ALPK2: variants seen among roughly 807,000 people sequenced by gnomAD.
ALPK2 encodes alpha-protein kinase 2.
In ALPK2, 127 loss-of-function variants were observed where a neutral mutation model predicts 163.1. The ratio of observed to expected loss-of-function variants is 0.78; its 90% confidence interval spans 0.67 to 0.90. The LOEUF (loss-of-function observed/expected upper bound fraction) is 0.90. Ranked by LOEUF, ALPK2 falls within the 40% of genes least tolerant of loss-of-function variation. ALPK2 has a pLI of 0.00. For missense variants in ALPK2, 2,360 were observed against 2,589.6 expected (o/e 0.91, Z 1.92); for synonymous variants, 953 against 959.1 (o/e 0.99, Z 0.12).
intron 2 of ALPK2, among the ~76,000 whole-genome samples, chr18:58,610,269 C>G (rs1298021786): frequency 8.5e-6 from 1 of 118,294 alleles, no homozygotes. Context: ...GCAAGAGACC[C>G]TGTCTCAAAA....
chr18:58,613,486 A>G (rs2052146012), intron 1 of ALPK2, among the ~76,000 whole-genome samples: 1 of 152,042 alleles, frequency 6.6e-6, no homozygotes, highest in Non-Finnish European at 1.5e-5. Context: ...CAAGGTCAGG[A>G]GTTCAAGACC....
intron 8 of ALPK2, among the ~76,000 whole-genome samples, chr18:58,520,006 G>A (rs1411910912): frequency 6.6e-6 from 1 of 152,202 alleles, no homozygotes; most frequent in Non-Finnish European, 1.5e-5. Flanking sequence ...AAAAGCACGA[G>A]TGTAGCACTG....
rs1217199055 is a variant in ALPK2, at chr18:58,579,554, G to A, written c.1222C>T (p.Gln408Ter). The A allele has an allele frequency of 6.2e-7, 1 of 1,613,370 alleles. No individual in the cohort carries two copies. Residue 408 changes from glutamine (Q) to a stop codon, truncating the protein, a stop_gained, in exon 4 of 13, where the codon CAA becomes TAA. Coordinates refer to ENST00000361673, the MANE Select transcript of ALPK2 (RefSeq NM_052947.4). LOFTEE classifies it high-confidence loss of function. ...AGFCGHHSQPQEVGVRSSRVS... is the reference protein window; with the variant it reads ...AGFCGHHSQP ...CTGCTGCTCCTCACCCCAACTTCTT[G>A]GGGTTGTGAGTGATGACCACAGAAG...
intron 4 of ALPK2, among the ~76,000 whole-genome samples, chr18:58,569,206 G>A (rs1418621448): frequency 6.6e-6 from 1 of 152,164 alleles, no homozygotes; most frequent in African/African-American, 2.4e-5. Flanking sequence ...AGTCTTGGGG[G>A]GGAGAAAAAG....
chr18:58,492,109 C>G (rs1192084933), intron 12 of ALPK2, among the ~76,000 whole-genome samples: 1 of 152,124 alleles, frequency 6.6e-6, no homozygotes, highest in Non-Finnish European at 1.5e-5. Flanking sequence ...CCCACAGGCT[C>G]CTTCCCCTCT....
chr18:58,530,756 G>A (rs755537004), intron 5 of ALPK2, among the ~76,000 whole-genome samples: 47 of 152,214 alleles, frequency 3.1e-4, no homozygotes, highest in Non-Finnish European at 6.2e-4. Context: ...GTGAGACAGA[G>A]GTGGAAAGTG....
At position 58,538,570 on chromosome 18, in the gene ALPK2, G is replaced by A. The variant is rs144612173; in HGVS notation, c.1963-346C>T. On this transcript the variant is annotated intron_variant, in intron 4 of 12. Transcript: ENST00000361673. ...GATCAAGTAAGTCACAACAAGAGCT[G>A]TGCGCATCTTTCCAGAAAGATGAAT... The A allele has an allele frequency of 4.9e-5, 11 of 226,796 alleles. No homozygotes were observed. In the East Asian group the frequency reaches 6.2e-4, roughly 13 times the overall value. 14.0% of individuals were successfully genotyped at this position (226,796 alleles called of 1,614,324 possible).
chr18:58,518,959 T>G (rs1201215150), intron 8 of ALPK2, among the ~76,000 whole-genome samples: 2 of 152,236 alleles, frequency 1.3e-5, no homozygotes, highest in Admixed American at 1.3e-4. Context: ...TAAACTTGTT[T>G]GATTTCTCTC....
At position 58,536,823 on chromosome 18, in the gene ALPK2, A is replaced by G; in HGVS notation, c.3364T>C (p.Tyr1122His). ...CCTCTTTCTTGGAAATTCTCTTCAT[A>G]GCTCCTAAAGTCTGCTCTGTCCACA... Reference protein sequence around the residue: ...QTVDRADFRSYEENFQERGSE... With the variant: ...QTVDRADFRSHEENFQERGSE... The change falls in exon 5 of 13, where the codon TAT becomes CAT. Residue 1122 changes from tyrosine (Y) to histidine (H), a missense_variant. By Grantham distance (83) the Tyr-to-His change is moderately conservative. Coordinates refer to ENST00000361673, the MANE Select transcript of ALPK2 (RefSeq NM_052947.4). The G allele has an allele frequency of 1.2e-6, 2 of 1,614,072 alleles. No individual in the cohort carries two copies. The highest frequency in any genetic ancestry group is 1.7e-6 in the Non-Finnish European group (2 of 1,179,996).
intron 3 of ALPK2, among the ~76,000 whole-genome samples, chr18:58,595,717 C>T (rs1239818423): frequency 1.3e-5 from 2 of 152,030 alleles, no homozygotes; most frequent in Non-Finnish European, 2.9e-5. Context: ...TTAAAGTTCC[C>T]CAGAGGTAAT....
At chr18:58,586,581 A>G (rs2144205802) in intron 3 of ALPK2, among the ~76,000 whole-genome samples, 1 of 152,280 alleles carries the variant, frequency 6.6e-6, no homozygotes, top group South Asian at 2.1e-4. Flanking sequence ...GCCTGGCAGC[A>G]GCTGGAGGGG....
At chr18:58,612,916 G>C (rs1456861531) in intron 1 of ALPK2, among the ~76,000 whole-genome samples, 1 of 152,184 alleles carries the variant, frequency 6.6e-6, no homozygotes, top group Non-Finnish European at 1.5e-5. Context: ...CCACACTACA[G>C]TGTGGTTAGC....
intron 4 of ALPK2, among the ~76,000 whole-genome samples, chr18:58,571,546 T>C (rs1016271036): frequency 6.6e-6 from 1 of 151,172 alleles, no homozygotes; most frequent in African/African-American, 2.4e-5. Context: ...AAAAAGACCA[T>C]AGCAGAAAGA....
In ALPK2 at chr18:58,565,989, G is replaced by A. The variant is rs191611055; in HGVS notation, c.1962+12825C>T. On this transcript the variant is annotated intron_variant, in intron 4 of 12. Transcript: ENST00000361673. Reference sequence around the variant, plus strand: ...GTAGAGATGGGATTTCACCATATTGGCCAGGCTGGTCTAGGACTCCTGACC... The same window carrying A: ...GTAGAGATGGGATTTCACCATATTGACCAGGCTGGTCTAGGACTCCTGACC... Among the ~76,000 whole-genome samples the A allele has an allele frequency of 1.9e-3, 282 of 152,180 alleles. 1 individual carries two copies. Among genetic ancestry groups the A allele is most frequent in the African/African-American group, 6.6e-3 (275 of 41,528 alleles).
intron 4 of ALPK2, among the ~76,000 whole-genome samples, chr18:58,569,998 C>T (rs1308926822): frequency 2.0e-5 from 3 of 152,094 alleles, no homozygotes; most frequent in Non-Finnish European, 4.4e-5. Context: ...GGTGTGGTGG[C>T]GGGTGCCTGT....
chr18:58,524,158 C>T, intron 6 of ALPK2, 96 bp from the exon 7 acceptor site: 1 of 1,484,238 alleles, frequency 6.7e-7, no homozygotes, highest in Non-Finnish European at 9.0e-7. Context: ...GACTTCCCTG[C>T]TCACATGTTT....
chr18:58,520,543 C>T (rs1020465607), intron 8 of ALPK2, among the ~76,000 whole-genome samples: 1 of 151,394 alleles, frequency 6.6e-6, no homozygotes, highest in African/African-American at 2.4e-5. Flanking sequence ...TTCCTTGCTA[C>T]ACCCATACAT....
At chr18:58,506,307 C>G (rs539417908) in intron 10 of ALPK2, among the ~76,000 whole-genome samples, 1 of 151,588 alleles carries the variant, frequency 6.6e-6, no homozygotes, top group East Asian at 1.9e-4. Context: ...AAAGCCCAAA[C>G]CTCAGCATCA....
chr18:58,597,156 G>C (rs762166027), intron 3 of ALPK2, among the ~76,000 whole-genome samples: 1 of 152,132 alleles, frequency 6.6e-6, no homozygotes, highest in Non-Finnish European at 1.5e-5. Context: ...CAGGTGTGGT[G>C]GTGGGGACCT....
Sources: gnomAD v4.1 joint callset for allele counts (sites outside exome capture counted in the v4.1 genomes callset) on GRCh38, gnomAD v4.1.1 for gene constraint, MANE v1.5 for transcripts, NCBI Gene and HGNC (gene_info 2026-07-23, HGNC 2026-07-21) for gene names.